Variants in SMTNL2 observed in about 807,000 individuals in gnomAD.
The protein encoded by SMTNL2 is smoothelin-like protein 2.
SMTNL2 carries 43 observed loss-of-function variants against 44.1 expected under a neutral mutation model. The observed-to-expected ratio is 0.98, with a 90% CI of 0.76 to 1.26. The LOEUF is 1.26. Among genes scored for constraint, SMTNL2 ranks in the 50% most tolerant of loss-of-function variants. The probability of loss-of-function intolerance (pLI) is 0.00; values close to 1 mark genes in which losing one functional copy is unlikely to be tolerated. For missense variants in SMTNL2, 646 were observed against 670.2 expected, an observed-to-expected ratio of 0.96 and a Z score of 0.40; for synonymous variants, 317 against 287.6, an observed-to-expected ratio of 1.10 and a Z score of -1.03.
intron 7 of SMTNL2, among the ~76,000 whole-genome samples, chr17:4,599,176 C>T (rs941010161): frequency 6.6e-6 from 1 of 152,176 alleles, no homozygotes; most frequent in Admixed American, 6.5e-5. Flanking sequence ...CCTTGGATGA[C>T]GCGCTTGGAC....
At chr17:4,596,802 C>T (rs138210552) in intron 5 of SMTNL2, 58 bp from the exon 6 acceptor site, 607 of 1,376,128 alleles carry the variant, frequency 4.4e-4, no homozygotes, top group African/African-American at 4.4e-3. Flanking sequence ...GCCCCAGACC[C>T]GCACTGGGAG....
intron 7 of SMTNL2, among the ~76,000 whole-genome samples, chr17:4,604,599 A>G (rs1910191103): frequency 6.6e-6 from 1 of 152,172 alleles, no homozygotes; most frequent in African/African-American, 2.4e-5. Context: ...GGGGAACAAG[A>G]TGCATAAAGA....
intron 7 of SMTNL2, among the ~76,000 whole-genome samples, chr17:4,601,689 A>T (rs1910037918): frequency 1.4e-5 from 2 of 144,774 alleles, no homozygotes; most frequent in Admixed American, 6.9e-5. Flanking sequence ...ACACTTGGCT[A>T]TTTTTTTTTT....
At position 4,593,164 on chromosome 17, in the gene SMTNL2, T is replaced by C. The variant is rs1315555687; in HGVS notation, c.723T>C (p.Ser241=). ...AGGTCATCACGCCCTGGACTCCCAG[T>C]CCTAGCGGTATGAGCTGGAGAGCGT... ...PSEVITPWTP[S]PSEKNSSFTW... Residue 241 remains serine (S), a synonymous_variant, in exon 3 of 8, where the codon AGT becomes AGC. Transcript: ENST00000389313. 3 of 1,600,672 alleles carry C rather than the reference T, an allele frequency of 1.9e-6. No homozygotes were observed. The South Asian group carries it at 3.3e-5, about 18-fold the overall frequency.
Position 4,584,963 on chromosome 17 carries a change from T to C in SMTNL2, c.358T>C (p.Phe120Leu). Reference sequence around the variant, plus strand: ...CGCGCCCCGCCTGGGCAGCGCACGCTTCGCCAGCCACGCCACCTTCTCGCT... The same window carrying C: ...CGCGCCCCGCCTGGGCAGCGCACGCCTCGCCAGCCACGCCACCTTCTCGCT... ...DRAPRLGSAR[F>L]ASHATFSLSG... The change falls in exon 1 of 8, where the codon TTC becomes CTC. Residue 120 changes from phenylalanine to leucine, a missense_variant. By Grantham distance (22) the Phe-to-Leu change is conservative. Coordinates refer to ENST00000389313, the MANE Select transcript of SMTNL2 (RefSeq NM_001114974.2). The C allele has an allele frequency of 7.3e-7, 1 of 1,373,036 alleles. No individual in the cohort carries two copies. The highest frequency in any genetic ancestry group is 9.4e-7 in the Non-Finnish European group (1 of 1,065,128). The allele number at this position is 1,373,036 out of a possible 1,614,324, so 85.1% of individuals were successfully genotyped here.
rs8070814 is a variant in SMTNL2 at position 4,584,588 on chromosome 17, C to T, written c.-18C>T. 195 of 1,224,524 alleles carry T rather than the reference C, an allele frequency of 1.6e-4. No homozygotes were observed. Among genetic ancestry groups the T allele is most frequent in the Admixed American group, 6.9e-4 (16 of 23,140 alleles). 75.9% of individuals were successfully genotyped at this position (1,224,524 alleles called of 1,614,324 possible). ...TCCCCCGTCTGGCCCGCTCTCGACC[C>T]GCGCGCTCTGCTGGGCCATGGAGCC... On this transcript the variant is annotated 5_prime_UTR_variant, in exon 1 of 8. Transcript: ENST00000389313.
chr17:4,593,956 G>T (rs1909694597), intron 4 of SMTNL2, 59 bp downstream of exon 4: 1 of 1,592,156 alleles, frequency 6.3e-7, no homozygotes, highest in Non-Finnish European at 8.6e-7. Context: ...TCTCTGCTTT[G>T]GACGCAGGCC....
chr17:4,593,176 G>A lies in SMTNL2; in HGVS notation c.730+5G>A, dbSNP rs1216939321. On this transcript the variant is annotated splice_donor_5th_base_variant and intron_variant, in intron 3 of 7. Coordinates refer to ENST00000389313, the MANE Select transcript of SMTNL2 (RefSeq NM_001114974.2). Reference sequence around the variant, plus strand: ...CCTGGACTCCCAGTCCTAGCGGTATGAGCTGGAGAGCGTGGCCTTGGGGCA... The same window carrying A: ...CCTGGACTCCCAGTCCTAGCGGTATAAGCTGGAGAGCGTGGCCTTGGGGCA... The A allele has an allele frequency of 6.3e-7, 1 of 1,580,590 alleles. No homozygotes were observed. Among genetic ancestry groups the A allele is most frequent in the African/African-American group, 1.3e-5 (1 of 74,286 alleles).
intron 7 of SMTNL2, among the ~76,000 whole-genome samples, chr17:4,605,526 T>C (rs898281228): frequency 1.3e-5 from 2 of 152,198 alleles, no homozygotes. Context: ...TGCATGGGTT[T>C]ATAATTTTCA....
At chr17:4,586,512 AAGAGAG>A (rs10565578) in intron 1 of SMTNL2, among the ~76,000 whole-genome samples, 112,933 of 149,786 alleles carry the variant, frequency 0.75, 44,191 homozygotes, top group East Asian at 0.89. Flanking sequence ...TGTACACACA[AAGAGAG>A]AGAGAGAGAG....
chr17:4,596,804 C>CT, intron 5 of SMTNL2, 56 bp from the exon 6 acceptor site: 2 of 1,381,716 alleles, frequency 1.4e-6, no homozygotes, highest in Non-Finnish European at 1.9e-6. Context: ...CCCAGACCCG[C>CT]ACTGGGAGAT....
rs539123988 is a variant in SMTNL2 at position 4,607,034 on chromosome 17, A to G, written c.1260-327A>G. Among the ~76,000 whole-genome samples, 3 of 152,292 alleles carry G rather than the reference A, an allele frequency of 2.0e-5. No individual in the cohort carries two copies. In the South Asian group the frequency reaches 6.2e-4, roughly 32 times the overall value. On this transcript the variant is annotated intron_variant, in intron 7 of 7. Transcript: ENST00000389313. This position sits in a 1 kb window ranked among gnomAD's most constrained non-coding sequence, Gnocchi z 4.7. The stretch of plus-strand genomic sequence containing the variant: ...TAGGAGATCGAGGCTGCAATAAGCT[A>G]GGATCGTGCCTCTGTACTCATGCCT...
intron 4 of SMTNL2, 34 bp downstream of exon 4, chr17:4,593,931 G>C (rs1274147470): frequency 6.2e-7 from 1 of 1,608,626 alleles, no homozygotes; most frequent in Admixed American, 1.7e-5. Flanking sequence ...TGGGGTCGCT[G>C]CGCCCCAGGT....
At chr17:4,603,502 T>C (rs1002368613) in intron 7 of SMTNL2, among the ~76,000 whole-genome samples, 11 of 152,100 alleles carry the variant, frequency 7.2e-5, no homozygotes, top group Non-Finnish European at 1.6e-4. Flanking sequence ...TTGGAGGAAA[T>C]TGGGTCCCCT....
At position 4,595,444 on chromosome 17, in the gene SMTNL2, G is replaced by A; in HGVS notation, c.989+117G>A. On this transcript the variant is annotated intron_variant, in intron 5 of 7. Coordinates refer to ENST00000389313, the MANE Select transcript of SMTNL2 (RefSeq NM_001114974.2). This position sits in a 1 kb window ranked among gnomAD's most constrained non-coding sequence, Gnocchi z 5.1. The stretch of plus-strand genomic sequence containing the variant: ...CTGTCCTGTTCCCCAGGGCGCTGTT[G>A]CCCAGGACAAGATCTCTTGGGCAAG... The A allele has an allele frequency of 1.4e-6, 2 of 1,397,706 alleles. No homozygotes were observed. Among genetic ancestry groups the A allele is most frequent in the South Asian group, 1.4e-5 (1 of 69,304 alleles). The allele number at this position is 1,397,706 out of a possible 1,614,324, so 86.6% of individuals were successfully genotyped here. A position where few individuals can be genotyped will look rare whatever the true frequency, so the allele number is the denominator to read the frequency against.
intron 4 of SMTNL2, 32 bp downstream of exon 4, chr17:4,593,929 C>T: frequency 6.2e-7 from 1 of 1,610,778 alleles, no homozygotes; most frequent in Non-Finnish European, 8.5e-7. Context: ...TGTGGGGTCG[C>T]TGCGCCCCAG....
At chr17:4,589,249 C>T (rs1909464949) in intron 1 of SMTNL2, among the ~76,000 whole-genome samples, 1 of 152,160 alleles carries the variant, frequency 6.6e-6, no homozygotes, top group African/African-American at 2.4e-5. Flanking sequence ...CTCCCACCCA[C>T]CTATAGAGAA....
chr17:4,594,164 A>T (rs1909704309), intron 4 of SMTNL2, among the ~76,000 whole-genome samples: 1 of 151,946 alleles, frequency 6.6e-6, no homozygotes, highest in South Asian at 2.1e-4. Context: ...AGATTGGAGG[A>T]GTGGCCGGGC....
At chr17:4,590,945 G>A (rs768192116) in intron 1 of SMTNL2, among the ~76,000 whole-genome samples, 3 of 152,148 alleles carry the variant, frequency 2.0e-5, no homozygotes, top group Non-Finnish European at 4.4e-5. Flanking sequence ...ATCTGCCTGC[G>A]TCCTGGACGG....
Sources: gnomAD v4.1 joint callset for allele counts (sites outside exome capture counted in the v4.1 genomes callset) on GRCh38, gnomAD v4.1.1 for gene constraint, Gnocchi (gnomAD v3.1) non-coding constraint, MANE v1.5 for transcripts, NCBI Gene and HGNC (gene_info 2026-07-23, HGNC 2026-07-21) for gene names.